RGL1: variants seen among roughly 807,000 people sequenced by gnomAD.
RGL1 encodes the protein ral guanine nucleotide dissociation stimulator-like 1.
Under a neutral mutation model 95.2 loss-of-function variants are expected in RGL1, and 24 were observed. The ratio of observed to expected loss-of-function variants is 0.25; its 90% CI spans 0.18 to 0.35. The LOEUF (loss-of-function observed/expected upper bound fraction) is 0.35. RGL1 is among the 10% of genes least tolerant of loss of function. The pLI is 1.00. For synonymous variants in RGL1, 329 were observed against 344.9 expected, an observed-to-expected ratio of 0.95 and a Z score of 0.51; for missense variants, 715 against 936.3, an observed-to-expected ratio of 0.76 and a Z score of 3.08.
At chr1:183,903,618 C>T (rs1053174846) in intron 12 of RGL1, among the ~76,000 whole-genome samples, 2 of 152,064 alleles carry the variant, frequency 1.3e-5, no homozygotes, top group African/African-American at 4.8e-5. Context: ...TCGTAAAGTT[C>T]ACAATCCAGG....
At chr1:183,777,787 T>A (rs557763644) in intron 2 of RGL1, among the ~76,000 whole-genome samples, 93 of 152,330 alleles carry the variant, frequency 6.1e-4, no homozygotes, top group Non-Finnish European at 1.2e-3. Context: ...TTCCTGGCCA[T>A]TAGCTTTTAA....
At chr1:183,760,281 C>G (rs1474392744) in intron 2 of RGL1, among the ~76,000 whole-genome samples, 2 of 152,134 alleles carry the variant, frequency 1.3e-5, no homozygotes, top group East Asian at 1.9e-4. Flanking sequence ...GCTGGCTGAT[C>G]AGAGTGGTTG....
chr1:183,729,779 A>C (rs193030890), intron 1 of RGL1, among the ~76,000 whole-genome samples: 1 of 152,334 alleles, frequency 6.6e-6, no homozygotes, highest in East Asian at 1.9e-4. Flanking sequence ...AATACTACTT[A>C]GTACTGAAAA....
At chr1:183,691,006 G>A (rs1157098104) in intron 1 of RGL1, among the ~76,000 whole-genome samples, 2 of 151,124 alleles carry the variant, frequency 1.3e-5, no homozygotes, top group African/African-American at 4.9e-5. Context: ...TGAGATTTTT[G>A]GATTTGTAGA....
chr1:183,861,851 C>A (rs907758969), intron 3 of RGL1, among the ~76,000 whole-genome samples: 1 of 152,132 alleles, frequency 6.6e-6, no homozygotes, highest in Non-Finnish European at 1.5e-5. Context: ...ATTTACTACC[C>A]TGGAATAAGT....
chr1:183,733,085 C>T (rs1656725277), intron 1 of RGL1, among the ~76,000 whole-genome samples: 1 of 152,128 alleles, frequency 6.6e-6, no homozygotes, highest in African/African-American at 2.4e-5. Context: ...ACAGTACACC[C>T]TCACAGAGCT....
At chr1:183,900,358 TAGG>T in intron 11 of RGL1, 122 bp downstream of exon 11, 1 of 682,510 alleles carries the variant, frequency 1.5e-6, no homozygotes, top group Admixed American at 2.5e-5. Flanking sequence ...TGCTAGCTGT[TAGG>T]AGGAATACAA....
chr1:183,723,162 G>T (rs1041975923), intron 1 of RGL1, among the ~76,000 whole-genome samples: 10 of 152,206 alleles, frequency 6.6e-5, no homozygotes, highest in Non-Finnish European at 1.0e-4. Flanking sequence ...AGCCCTAGAT[G>T]AATCATTAAA....
intron 2 of RGL1, among the ~76,000 whole-genome samples, chr1:183,826,727 A>G (rs944163821): frequency 2.0e-5 from 3 of 152,196 alleles, no homozygotes; most frequent in Admixed American, 6.5e-5. Flanking sequence ...TGAAAGGTTA[A>G]ACTGTGCTCC....
chr1:183,814,771 G>T (rs371463528), intron 2 of RGL1, among the ~76,000 whole-genome samples: 1 of 152,108 alleles, frequency 6.6e-6, no homozygotes, highest in African/African-American at 2.4e-5. Flanking sequence ...GAATCTCTCC[G>T]CAACCCTCTT....
intron 14 of RGL1, among the ~76,000 whole-genome samples, chr1:183,910,533 A>G (rs1438163345): frequency 6.6e-6 from 1 of 152,174 alleles, no homozygotes; most frequent in Non-Finnish European, 1.5e-5. Context: ...CTCAGCCACC[A>G]TCTCTTCTGA....
chr1:183,893,853 GC>G (rs1667552383), intron 9 of RGL1, among the ~76,000 whole-genome samples: 2 of 152,174 alleles, frequency 1.3e-5, no homozygotes, highest in African/African-American at 4.8e-5. Context: ...TATCCCTAAT[GC>G]CCAACCAGTG....
chr1:183,747,794 TC>T (rs1168134990), intron 2 of RGL1, among the ~76,000 whole-genome samples: 1 of 152,208 alleles, frequency 6.6e-6, no homozygotes, highest in South Asian at 2.1e-4. Flanking sequence ...CCTGAAGTTT[TC>T]TTTTTTTGTT....
intron 9 of RGL1, among the ~76,000 whole-genome samples, chr1:183,896,289 G>A (rs1667695756): frequency 6.6e-6 from 1 of 152,190 alleles, no homozygotes; most frequent in South Asian, 2.1e-4. Flanking sequence ...GGGCTCAAGC[G>A]ACCCTCCTGC....
At chr1:183,642,725 T>G (rs1361534123) in intron 1 of RGL1, among the ~76,000 whole-genome samples, 1 of 152,222 alleles carries the variant, frequency 6.6e-6, no homozygotes, top group African/African-American at 2.4e-5. Flanking sequence ...ACAGAAAAGA[T>G]GTCACTTTTT....
chr1:183,872,355 C>T (rs909707102), intron 4 of RGL1, among the ~76,000 whole-genome samples: 4 of 152,186 alleles, frequency 2.6e-5, no homozygotes, highest in African/African-American at 7.2e-5. Flanking sequence ...ATTTAAAACT[C>T]CTCAAGAAAT....
chr1:183,867,030 C>T (rs796884155), intron 4 of RGL1, among the ~76,000 whole-genome samples: 25 of 152,260 alleles, frequency 1.6e-4, no homozygotes, highest in African/African-American at 5.5e-4. Flanking sequence ...GAGACAGAAC[C>T]TTGGCTTTAT....
At chr1:183,685,547 T>C (rs553517354) in intron 1 of RGL1, among the ~76,000 whole-genome samples, 6 of 152,242 alleles carry the variant, frequency 3.9e-5, no homozygotes, top group South Asian at 2.1e-4. Flanking sequence ...TGTTACTGTA[T>C]GTAATATTAA....
chr1:183,686,098 A>G (rs527683129), intron 1 of RGL1, among the ~76,000 whole-genome samples: 1 of 152,184 alleles, frequency 6.6e-6, no homozygotes, highest in Non-Finnish European at 1.5e-5. Flanking sequence ...AAAATAGTTC[A>G]TGGGTTACTA....
Sources: gnomAD v4.1 joint callset for allele counts (sites outside exome capture counted in the v4.1 genomes callset) on GRCh38, gnomAD v4.1.1 for gene constraint, MANE v1.5 for transcripts, NCBI Gene and HGNC (gene_info 2026-07-23, HGNC 2026-07-21) for gene names.